The following CD99L2 variants were observed in gnomAD, a reference collection of about 807,000 sequenced individuals.
CD99L2 encodes the protein CD99 molecule like 2, also known as CD99 antigen-like protein 2.
Under a neutral mutation model 27.3 loss-of-function variants are expected in CD99L2, and 24 were observed. The ratio of observed to expected loss-of-function variants is 0.88; its 90% CI spans 0.64 to 1.24. The LOEUF is 1.24. Among genes scored for constraint, CD99L2 ranks in the 50% most tolerant of loss-of-function variants. The probability of loss-of-function intolerance (pLI) is 0.00; values close to 1 mark genes in which losing one functional copy is unlikely to be tolerated. For missense variants in CD99L2, 255 were observed against 221.6 expected (o/e 1.15, Z -0.96); for synonymous variants, 97 against 87.9 (o/e 1.10, Z -0.58).
chrX:150,788,588 G>A (rs1557419634), intron 7 of CD99L2, among the ~76,000 whole-genome samples: 1 of 111,743 alleles, frequency 8.9e-6, no homozygotes, highest in Non-Finnish European at 1.9e-5. Flanking sequence ...AGACAGTAAG[G>A]AGATCAACAA....
chrX:150,881,497 G>A (rs1373223864), intron 1 of CD99L2, among the ~76,000 whole-genome samples: 9 of 112,408 alleles, frequency 8.0e-5, no homozygotes, highest in Non-Finnish European at 1.5e-4. Context: ...CAACCCCACT[G>A]GACCAGGAGC....
intron 7 of CD99L2, among the ~76,000 whole-genome samples, chrX:150,778,684 AAATAT>A (rs1206120098): frequency 0.046 from 1,083 of 23,567 alleles, 8 homozygotes; most frequent in South Asian, 0.15. Flanking sequence ...AAAAAAAAAA[AAATAT>A]ATATATATAT....
Position 150,768,716 on chromosome X carries a change from C to A in CD99L2, c.*318G>T. 1 of 306,285 alleles carries A rather than the reference C, an allele frequency of 3.3e-6. No individual in the cohort carries two copies. The highest frequency in any genetic ancestry group is 5.5e-6 in the Non-Finnish European group (1 of 182,362). The allele number at this position is 306,285 out of a possible 1,213,427, so 25.2% of individuals were successfully genotyped here. ...CATAAATGTCATCAGGCCTCAGCAT[C>A]ATCTTGGCCCCCGCATCCTGTGCTC... On this transcript the variant is annotated 3_prime_UTR_variant, in exon 11 of 11. Coordinates refer to ENST00000370377, the MANE Select transcript of CD99L2 (RefSeq NM_031462.4).
chrX:150,777,388 T>C (rs1301289752), intron 8 of CD99L2, 56 bp downstream of exon 8: 1 of 1,190,401 alleles, frequency 8.4e-7, no homozygotes, highest in South Asian at 1.8e-5. Context: ...TTTGGGGTCC[T>C]GAGATTCATT....
At chrX:150,818,201 GATATAT>G (rs368100797) in intron 2 of CD99L2, among the ~76,000 whole-genome samples, 4 of 86,273 alleles carry the variant, frequency 4.6e-5, no homozygotes, top group South Asian at 6.3e-4. Flanking sequence ...CAAGTAGGCA[GATATAT>G]ATATATATAT....
Position 150,898,605 on chromosome X carries a change from A to G in CD99L2, c.-17T>C. 9.2e-7 allele frequency: 1 copy of G among 1,087,468 alleles called. No homozygotes were observed. 89.6% of individuals were successfully genotyped at this position (1,087,468 alleles called of 1,213,427 possible). On this transcript the variant is annotated 5_prime_UTR_variant, in exon 1 of 11. Transcript: ENST00000370377. ...GGCCACCATGGCTGGGAGCAGGCGG[A>G]GGGCCCCGGAGGAGCACAGTTAGCG...
At chrX:150,879,750 T>TAAA (rs60706288) in intron 1 of CD99L2, among the ~76,000 whole-genome samples, 315 of 19,359 alleles carry the variant, frequency 0.016, 52 homozygotes, top group African/African-American at 0.057. Context: ...CTACAAAAAC[T>TAAA]AAAAAAAAAA....
At chrX:150,782,937 G>C (rs1263518824) in intron 7 of CD99L2, among the ~76,000 whole-genome samples, 1 of 111,007 alleles carries the variant, frequency 9.0e-6, no homozygotes, top group Non-Finnish European at 1.9e-5. Context: ...TGTAAACACA[G>C]TGAAAATGGA....
chrX:150,864,218 C>A (rs1443384474), intron 1 of CD99L2, among the ~76,000 whole-genome samples: 1 of 111,922 alleles, frequency 8.9e-6, no homozygotes, highest in African/African-American at 3.2e-5. Flanking sequence ...AGGAAGAACA[C>A]AGCTTGGGAA....
At chrX:150,889,959 T>C (rs189951822) in intron 1 of CD99L2, among the ~76,000 whole-genome samples, 23,975 of 107,393 alleles carry the variant, frequency 0.22, 1,989 homozygotes, top group South Asian at 0.35. Flanking sequence ...GAGACCATCC[T>C]GGCTAACACG....
At chrX:150,843,221 A>G (rs1557421391) in intron 1 of CD99L2, among the ~76,000 whole-genome samples, 1 of 111,922 alleles carries the variant, frequency 8.9e-6, no homozygotes, top group East Asian at 2.8e-4. Context: ...CCTGCTCTCT[A>G]AGGATGGTTT....
At chrX:150,886,851 A>T (rs782684631) in intron 1 of CD99L2, among the ~76,000 whole-genome samples, 1 of 109,088 alleles carries the variant, frequency 9.2e-6, no homozygotes, top group East Asian at 2.9e-4. Context: ...TGGTTGAAAA[A>T]CTCTGCTCAA....
chrX:150,897,526 A>AGTGTGTGTGTGTGTGTGTGTGT, intron 1 of CD99L2, among the ~76,000 whole-genome samples: 1 of 103,843 alleles, frequency 9.6e-6, no homozygotes, highest in African/African-American at 3.5e-5. Flanking sequence ...ACTAGGACAA[A>AGTGTGTGTGTGTGTGTGTGTGT]GTGTGTGTGT....
At chrX:150,813,509 C>T (rs1038392002) in intron 4 of CD99L2, among the ~76,000 whole-genome samples, 1 of 111,796 alleles carries the variant, frequency 8.9e-6, no homozygotes, top group African/African-American at 3.3e-5. Flanking sequence ...ACTTCAGCAG[C>T]GCAGGGAAAC....
At chrX:150,806,678 G>C (rs1046925995) in intron 4 of CD99L2, among the ~76,000 whole-genome samples, 12 of 111,453 alleles carry the variant, frequency 1.1e-4, no homozygotes, top group African/African-American at 3.9e-4. Flanking sequence ...ATCACCTGAT[G>C]TCAGGAGTTC....
Position 150,831,312 on chromosome X carries a change from A to G in CD99L2, c.68-19T>C. The stretch of plus-strand genomic sequence containing the variant: ...CCAGATCCTAAAAATTAAAAAAAAA[A>G]ATTAAACTATCTTTGCATAAAACAA... On this transcript the variant is annotated intron_variant, in intron 1 of 10. Transcript: ENST00000370377. The G allele has an allele frequency of 8.8e-7, 1 of 1,137,669 alleles. No individual in the cohort carries two copies. The highest frequency in any genetic ancestry group is 1.2e-6 in the Non-Finnish European group (1 of 836,177). The allele number at this position is 1,137,669 out of a possible 1,213,427, so 93.8% of individuals were successfully genotyped here. A position where few individuals can be genotyped will look rare whatever the true frequency, so the allele number is the denominator to read the frequency against.
At chrX:150,844,558 T>C (rs1557421418) in intron 1 of CD99L2, among the ~76,000 whole-genome samples, 1 of 111,935 alleles carries the variant, frequency 8.9e-6, no homozygotes, top group African/African-American at 3.3e-5. Context: ...TTTGAACACA[T>C]TTGTCTTGAT....
intron 1 of CD99L2, among the ~76,000 whole-genome samples, chrX:150,845,040 T>C (rs1557421433): frequency 5.3e-5 from 6 of 112,572 alleles, no homozygotes; most frequent in Non-Finnish European, 1.1e-4. Context: ...ATTTTTTTTC[T>C]TTTTTAACAA....
At chrX:150,875,445 T>A (rs1195673816) in intron 1 of CD99L2, among the ~76,000 whole-genome samples, 15 of 112,137 alleles carry the variant, frequency 1.3e-4, no homozygotes, top group African/African-American at 4.9e-4. Flanking sequence ...ATAGTCAAGA[T>A]AAAGAACAAG....
Sources: allele counts gnomAD v4.1 joint callset (sites outside exome capture counted in the v4.1 genomes callset), GRCh38; gene constraint gnomAD v4.1.1; transcripts MANE v1.5; gene names NCBI Gene and HGNC (gene_info 2026-07-23, HGNC 2026-07-21).